ANKMY1: variants seen among roughly 807,000 people sequenced by gnomAD.
ANKMY1 encodes ankyrin repeat and MYND domain containing 1, also known as ankyrin repeat and MYND domain-containing protein 1.
Under a neutral mutation model 102.0 loss-of-function variants are expected in ANKMY1, and 98 were observed. The observed-to-expected ratio is 0.96, with a 90% CI of 0.82 to 1.14. The LOEUF (loss-of-function observed/expected upper bound fraction) is 1.14, where lower values mean the gene tolerates loss of function less well. ANKMY1 is among the 50% of genes most tolerant of loss of function. The pLI, the probability that ANKMY1 is intolerant of heterozygous loss-of-function variation, is 0.00. For synonymous variants in ANKMY1, 582 were observed against 559.9 expected (o/e 1.04, Z -0.56); for missense variants, 1,330 against 1,347.6 (o/e 0.99, Z 0.20).
In ANKMY1 at chr2:240,531,236, T is replaced by C. The variant is rs1409201017; in HGVS notation, c.481-1727A>G. Among the ~76,000 whole-genome samples, 5 of 152,250 alleles carry C rather than the reference T, an allele frequency of 3.3e-5. No homozygotes were observed. The East Asian group carries it at 9.7e-4, about 29-fold the overall frequency. On this transcript the variant is annotated intron_variant, in intron 4 of 17. Transcript: ENST00000401804. ...ATGGCTAAAATAAAAAGACTGGCAATACCAAGTGTCGACAAGGATGTGAAA... is the reference window on the plus strand; with the variant it reads ...ATGGCTAAAATAAAAAGACTGGCAACACCAAGTGTCGACAAGGATGTGAAA...
chr2:240,488,396 G>C (rs1198840357), intron 15 of ANKMY1, among the ~76,000 whole-genome samples: 1 of 152,150 alleles, frequency 6.6e-6, no homozygotes, highest in African/African-American at 2.4e-5. Context: ...TTTGAATCCA[G>C]GTAATGTGAT....
intron 15 of ANKMY1, among the ~76,000 whole-genome samples, chr2:240,494,690 T>C (rs772893444): frequency 2.0e-5 from 3 of 152,132 alleles, no homozygotes; most frequent in Non-Finnish European, 4.4e-5. Context: ...CCTTCCTTCC[T>C]GGAGCTCTTC....
chr2:240,542,100 C>CT (rs771522562), intron 4 of ANKMY1, among the ~76,000 whole-genome samples: 13 of 151,494 alleles, frequency 8.6e-5, no homozygotes, highest in Non-Finnish European at 1.3e-4. Flanking sequence ...CCCAGCTACT[C>CT]AGGAGGCTGA....
At chr2:240,477,132 C>T (rs1052222230), downstream of ANKMY1, among the ~76,000 whole-genome samples, 22 of 152,136 alleles carry the variant, frequency 1.4e-4, no homozygotes, top group South Asian at 2.1e-4. Flanking sequence ...GCCTGCCCAA[C>T]GTGGAGAAAC....
In ANKMY1 at chr2:240,482,172, G is replaced by C. The variant is rs2075476401; in HGVS notation, c.2885+11C>G. The C allele has an allele frequency of 6.2e-7, 1 of 1,611,728 alleles. No individual in the cohort carries two copies. Among genetic ancestry groups the C allele is most frequent in the South Asian group, 1.1e-5 (1 of 90,596 alleles). Reference sequence around the variant, plus strand: ...CATCCTGGAAAGAACCCAGCCTGCAGACACACTTACTGCCCCTGCTCCTTC... The same window carrying C: ...CATCCTGGAAAGAACCCAGCCTGCACACACACTTACTGCCCCTGCTCCTTC... On this transcript the variant is annotated intron_variant, in intron 16 of 17. Coordinates refer to ENST00000401804, the MANE Select transcript of ANKMY1 (RefSeq NM_001282771.3).
upstream of ANKMY1, among the ~76,000 whole-genome samples, chr2:240,559,147 G>A (rs578012368): frequency 2.0e-5 from 3 of 152,310 alleles, no homozygotes; most frequent in East Asian, 5.8e-4. Context: ...GTGGCAATGA[G>A]ATGCAGAGAC....
Position 240,525,817 on chromosome 2 carries a change from GAGA to G in ANKMY1, c.1200_1202del (p.Leu402del), listed in dbSNP as rs2083255465. On this transcript the variant is annotated inframe_deletion, in exon 7 of 18. Transcript: ENST00000401804. ...TGTTCACGTCGGCCCCACAGTCCAG[GAGA>G]AGGTTGACAATGTCGTTGTGGCAGT... 6.2e-7 allele frequency: 1 copy of G among 1,614,030 alleles called. No homozygotes were observed. The highest frequency in any genetic ancestry group is 1.3e-5 in the African/African-American group (1 of 74,908).
chr2:240,512,150 C>T (rs890934554), intron 10 of ANKMY1, 149 bp from the exon 11 acceptor site: 12 of 996,168 alleles, frequency 1.2e-5, no homozygotes, highest in Middle Eastern at 2.4e-4. Flanking sequence ...TGACTTTGTT[C>T]GAGCCTCTCC....
chr2:240,479,896 C>T (rs1021444559), intron 17 of ANKMY1, among the ~76,000 whole-genome samples: 4 of 152,124 alleles, frequency 2.6e-5, no homozygotes, highest in Admixed American at 2.6e-4. Flanking sequence ...GAGCTGCGAC[C>T]TCACCGAGGG....
chr2:240,502,789 C>T (rs1239068840), intron 13 of ANKMY1, among the ~76,000 whole-genome samples: 1 of 151,304 alleles, frequency 6.6e-6, no homozygotes, highest in Non-Finnish European at 1.5e-5. Context: ...TCACTGCATC[C>T]GCCCCTCACT....
the ANKMY1 span, among the ~76,000 whole-genome samples, chr2:240,473,551 C>A: frequency 1.4e-5 from 2 of 145,084 alleles, no homozygotes; most frequent in African/African-American, 2.5e-5. Context: ...CGGAGACCAA[C>A]AAGAAAATAA....
At chr2:240,482,376 G>T (rs1305158836) in intron 15 of ANKMY1, 115 bp from the exon 16 acceptor site, 6 of 902,684 alleles carry the variant, frequency 6.6e-6, no homozygotes, top group Admixed American at 2.9e-5. Context: ...TCGGGAGGCG[G>T]ATAGGGGGAA....
At chr2:240,555,366 T>A (rs919220994) in intron 2 of ANKMY1, 1 of 377,692 alleles carries the variant, frequency 2.6e-6, no homozygotes, top group East Asian at 4.7e-5. Flanking sequence ...CTGAGATCGA[T>A]GGCCCTCTGT....
At chr2:240,560,581 GCGCCCGGCGGCC>G (rs1193919975), upstream of ANKMY1, 28 of 1,318,244 alleles carry the variant, frequency 2.1e-5, no homozygotes, top group Middle Eastern at 5.6e-4. Flanking sequence ...GGACCCGGGG[GCGCCCGGCGGCC>G]CGCCCGGCTC....
Position 240,511,879 on chromosome 2 carries a change from C to T in ANKMY1, c.2268G>A (p.Glu756=). The T allele has an allele frequency of 6.3e-7, 1 of 1,591,070 alleles. No individual in the cohort carries two copies. Among genetic ancestry groups the T allele is most frequent in the South Asian group, 1.1e-5 (1 of 90,594 alleles). ...GGRTALHMAC[E]REDDNKCARD... ...CCCTCACCTTGTTGTCATCCTCCCG[C>T]TCGCAGGCCATGTGCAGAGCCGTCC... is the stretch of plus-strand genomic sequence containing the variant. Residue 756 remains glutamate (E), a synonymous_variant, in exon 11 of 18, where the codon GAG becomes GAA. Coordinates refer to ENST00000401804, the MANE Select transcript of ANKMY1 (RefSeq NM_001282771.3).
In ANKMY1 at chr2:240,557,736, C is replaced by T. The variant is rs139398211; in HGVS notation, c.-18+145G>A. 8.2e-5 allele frequency: 36 copies of T among 441,692 alleles called. No individual in the cohort carries two copies. The East Asian group carries it at 2.5e-3, about 31-fold the overall frequency. 27.4% of individuals were successfully genotyped at this position (441,692 alleles called of 1,614,324 possible). A position where few individuals can be genotyped will look rare whatever the true frequency, so the allele number is the denominator to read the frequency against. On this transcript the variant is annotated intron_variant, in intron 1 of 17. Coordinates refer to ENST00000401804, the MANE Select transcript of ANKMY1 (RefSeq NM_001282771.3). Reference sequence around the variant, plus strand: ...TCGAGGGTGGGCTCGGGAGACGCCGCGCCCACCTAACCCCACGCCCCCAGC... The same window carrying T: ...TCGAGGGTGGGCTCGGGAGACGCCGTGCCCACCTAACCCCACGCCCCCAGC...
At chr2:240,500,381 A>C (rs2077975192) in intron 14 of ANKMY1, 71 bp downstream of exon 14, 2 of 1,462,450 alleles carry the variant, frequency 1.4e-6, no homozygotes, top group South Asian at 2.5e-5. Flanking sequence ...CAGAGAAGCT[A>C]ATGCCCCAGC....
intron 13 of ANKMY1, 125 bp from the exon 14 acceptor site, chr2:240,500,690 G>A: frequency 1.4e-6 from 1 of 731,172 alleles, no homozygotes; most frequent in Non-Finnish European, 2.3e-6. Flanking sequence ...GCAGTGTGCG[G>A]GAATGCCCAT....
intron 15 of ANKMY1, among the ~76,000 whole-genome samples, chr2:240,498,295 G>A (rs1359073696): frequency 1.3e-5 from 2 of 150,520 alleles, no homozygotes; most frequent in Non-Finnish European, 1.5e-5. Flanking sequence ...GTTGGGGGTG[G>A]GGGGGGTTTA....
Sources: gnomAD v4.1 joint callset for allele counts (sites outside exome capture counted in the v4.1 genomes callset) on GRCh38, gnomAD v4.1.1 for gene constraint, MANE v1.5 for transcripts, NCBI Gene and HGNC (gene_info 2026-07-23, HGNC 2026-07-21) for gene names.